Variants in SP100 observed in about 807,000 individuals in gnomAD.
SP100 encodes nuclear autoantigen Sp-100.
Under a neutral mutation model 130.0 loss-of-function variants are expected in SP100, and 84 were observed. The ratio of observed to expected loss-of-function variants is 0.65; its 90% CI spans 0.54 to 0.77. The LOEUF (loss-of-function observed/expected upper bound fraction) is 0.77, where lower values mean the gene tolerates loss of function less well. Ranked by LOEUF, SP100 falls within the 30% of genes least tolerant of loss-of-function variation. The probability of loss-of-function intolerance (pLI) is 0.00; values close to 1 mark genes in which losing one functional copy is unlikely to be tolerated. For missense variants in SP100, 978 were observed against 1,052.2 expected (o/e 0.93, Z 0.97); for synonymous variants, 331 against 351.7 (o/e 0.94, Z 0.66).
intron 22 of SP100, chr2:230,506,816 CACACACACATATTTA>C: frequency 4.3e-5 from 6 of 140,152 alleles, no homozygotes; most frequent in South Asian, 4.2e-4. Context: ...CACACACACA[CACACACACATATTTA>C]ACATATATAT....
At chr2:230,443,287 C>T (rs1440255597) in intron 3 of SP100, among the ~76,000 whole-genome samples, 188 bp downstream of exon 3, 1 of 152,110 alleles carries the variant, frequency 6.6e-6, no homozygotes, top group Non-Finnish European at 1.5e-5. Flanking sequence ...CAGAGGTCGC[C>T]GGAGATGGTC....
chr2:230,487,988 C>T (rs1329952373), intron 17 of SP100, among the ~76,000 whole-genome samples: 1 of 151,956 alleles, frequency 6.6e-6, no homozygotes, highest in Non-Finnish European at 1.5e-5. Flanking sequence ...TCTCTGCTTG[C>T]CTACTGATGG....
Position 230,503,093 on chromosome 2 carries a change from AAAG to A in SP100, c.1757_1759del (p.Arg586del), listed in dbSNP as rs2067127428. ...AGAAAAGCCAACACTAGACCTTTGA[AAAG>A]AAGAAGAAAAAGAGGTAAATAGAAG... On this transcript the variant is annotated inframe_deletion, in exon 20 of 29. Transcript: ENST00000340126. 6.2e-7 allele frequency: 1 copy of A among 1,602,550 alleles called. No homozygotes were observed. Among genetic ancestry groups the A allele is most frequent in the Admixed American group, 1.7e-5 (1 of 59,066 alleles).
chr2:230,467,131 G>A lies in SP100; in HGVS notation c.1207G>A (p.Asp403Asn). 2 of 1,613,572 alleles carry A rather than the reference G, an allele frequency of 1.2e-6. No homozygotes were observed. Among genetic ancestry groups the A allele is most frequent in the Non-Finnish European group, 1.7e-6 (2 of 1,179,550 alleles). The change falls in exon 13 of 29, where the codon GAC (aspartate) becomes AAC (asparagine). Residue 403 changes from aspartate to asparagine, a missense_variant. Transcript: ENST00000340126. The part of the protein sequence containing the change: ...ESFKKRVIGQ[D>N]HDFSESSEEE... ...GCTCCTTTCTGCAGTGATAGGACAA[G>A]ACCACGACTTTTCAGAATCCAGTGA... is the stretch of plus-strand genomic sequence containing the variant.
In SP100 at chr2:230,441,496, T is replaced by C. The variant is rs188409751; in HGVS notation, c.108-1441T>C. ...AAAGTGGAATCAACTCCAATGACCA[T>C]GAACAGAAAACTGAATAAGCAGATT... is the stretch of plus-strand genomic sequence containing the variant. On this transcript the variant is annotated intron_variant, in intron 2 of 28. Transcript: ENST00000340126. Among the ~76,000 whole-genome samples the C allele has an allele frequency of 1.5e-3, 233 of 152,194 alleles. 3 individuals carry two copies. The highest frequency in any genetic ancestry group is 2.4e-4 in the Non-Finnish European group (16 of 68,018).
intron 22 of SP100, 86 bp from the exon 23 acceptor site, chr2:230,507,907 G>T: frequency 8.6e-7 from 1 of 1,156,460 alleles, no homozygotes; most frequent in East Asian, 2.4e-5. Flanking sequence ...TATCCAGGTA[G>T]GAATATTTGG....
At chr2:230,431,525 G>A (rs1401885764) in intron 2 of SP100, among the ~76,000 whole-genome samples, 2 of 152,174 alleles carry the variant, frequency 1.3e-5, no homozygotes, top group Non-Finnish European at 2.9e-5. Context: ...TTTTCACAAA[G>A]GCATCCTTGT....
chr2:230,442,805 C>A, intron 2 of SP100, 132 bp from the exon 3 acceptor site: 1 of 731,972 alleles, frequency 1.4e-6, no homozygotes, highest in Non-Finnish European at 2.3e-6. Context: ...TTTATTCTGG[C>A]CTCTACTGAG....
chr2:230,537,859 G>A (rs1432658048), intron 24 of SP100: 4 of 152,236 alleles, frequency 2.6e-5, no homozygotes, highest in Non-Finnish European at 5.9e-5. Flanking sequence ...CCACAATTGT[G>A]TAGGGTCCAT....
chr2:230,543,002 T>C lies in SP100; in HGVS notation c.*56T>C. On this transcript the variant is annotated 3_prime_UTR_variant, in exon 29 of 29. Transcript: ENST00000340126. ...GGCAGCTAGCTACGCAATGTGCCTG[T>C]GGTCCCACTAATCTGTGACTGCTCC... 1.0e-6 allele frequency: 1 copy of C among 954,842 alleles called. No individual in the cohort carries two copies. Among genetic ancestry groups the C allele is most frequent in the South Asian group, 1.4e-5 (1 of 71,882 alleles). 59.1% of individuals were successfully genotyped at this position (954,842 alleles called of 1,614,324 possible). A position where few individuals can be genotyped will look rare whatever the true frequency, so the allele number is the denominator to read the frequency against.
chr2:230,449,148 C>A lies in SP100; in HGVS notation c.584C>A (p.Ala195Asp), dbSNP rs1195239519. Residue 195 changes from alanine to aspartate, a missense_variant and splice_region_variant, in exon 6 of 29, where the codon GCT (alanine) becomes GAT (aspartate). Ala to Asp is a moderately radical substitution (Grantham distance 126). Transcript: ENST00000340126. ...TWPPSGSPSH[A>D]GTTPPENGLS... ...CCACCTTCGGGTTCCCCATCTCATG[C>A]TGGTTTGTTCCTGTTTACTACTCTT... The A allele has an allele frequency of 3.1e-6, 5 of 1,613,990 alleles. No homozygotes were observed. The South Asian group carries it at 5.5e-5, about 18-fold the overall frequency.
intron 8 of SP100, among the ~76,000 whole-genome samples, chr2:230,458,055 C>T (rs1403433850): frequency 6.6e-6 from 1 of 152,104 alleles, no homozygotes; most frequent in African/African-American, 2.4e-5. Context: ...CAAAAGAGGT[C>T]AACTAGGGAA....
At chr2:230,537,931 T>C (rs563830395) in intron 24 of SP100, 1 of 152,384 alleles carries the variant, frequency 6.6e-6, no homozygotes, top group African/African-American at 2.4e-5. Flanking sequence ...AGGCTTCTGA[T>C]TCAGCAAGTG....
At chr2:230,422,955 G>A (rs574564766) in intron 2 of SP100, among the ~76,000 whole-genome samples, 29 of 152,230 alleles carry the variant, frequency 1.9e-4, no homozygotes, top group African/African-American at 6.0e-4. Context: ...ATTTGTCTAG[G>A]GTTGATAGCA....
At chr2:230,539,693 C>T (rs1393614308) in intron 25 of SP100, among the ~76,000 whole-genome samples, 1 of 150,790 alleles carries the variant, frequency 6.6e-6, no homozygotes, top group Non-Finnish European at 1.5e-5. Context: ...TCATACACTG[C>T]CTGCTGGTTT....
intron 24 of SP100, among the ~76,000 whole-genome samples, chr2:230,537,213 C>T (rs1358367621): frequency 6.6e-6 from 1 of 152,148 alleles, no homozygotes; most frequent in Non-Finnish European, 1.5e-5. Flanking sequence ...GAGCTGTGAT[C>T]GCACCACTGC....
intron 17 of SP100, among the ~76,000 whole-genome samples, chr2:230,476,959 A>C (rs1260683667): frequency 6.6e-6 from 1 of 151,996 alleles, no homozygotes; most frequent in South Asian, 2.1e-4. Flanking sequence ...TCTGCCTCCC[A>C]GGTTCACACC....
chr2:230,473,497 G>T (rs2065377290), intron 16 of SP100, 57 bp downstream of exon 16: 3 of 994,376 alleles, frequency 3.0e-6, no homozygotes, highest in Non-Finnish European at 4.8e-6. Flanking sequence ...CACAGACACT[G>T]GGTAGGGATG....
intron 2 of SP100, among the ~76,000 whole-genome samples, chr2:230,442,135 G>A (rs1306457109): frequency 6.6e-6 from 1 of 152,074 alleles, no homozygotes; most frequent in Non-Finnish European, 1.5e-5. Flanking sequence ...TTCTAGTTGG[G>A]AAGGAAGGGC....
Sources: allele counts gnomAD v4.1 joint callset (sites outside exome capture counted in the v4.1 genomes callset), GRCh38; gene constraint gnomAD v4.1.1; transcripts MANE v1.5; gene names NCBI Gene and HGNC (gene_info 2026-07-23, HGNC 2026-07-21).